Variants in TGM2 observed in about 807,000 individuals in gnomAD.
TGM2 encodes transglutaminase 2.
Under a neutral mutation model 75.6 loss-of-function variants are expected in TGM2, and 53 were observed. The ratio of observed to expected loss-of-function variants is 0.70; its 90% CI spans 0.56 to 0.88. The LOEUF (loss-of-function observed/expected upper bound fraction) is 0.88. Ranked by LOEUF, TGM2 falls within the 40% of genes least tolerant of loss-of-function variation. The pLI is 0.00. For synonymous variants in TGM2, 374 were observed against 381.1 expected, an observed-to-expected ratio of 0.98 and a Z score of 0.22; for missense variants, 842 against 928.5, an observed-to-expected ratio of 0.91 and a Z score of 1.21.
chr20:38,132,267 G>C, intron 11 of TGM2, 73 bp downstream of exon 11: 1 of 1,550,722 alleles, frequency 6.4e-7, no homozygotes, highest in Admixed American at 1.7e-5. Flanking sequence ...TGTGTGGGGT[G>C]GGGGTAGGGA....
chr20:38,165,671 A>AACACACACACAC (rs71833660), upstream of TGM2, among the ~76,000 whole-genome samples: 1 of 143,224 alleles, frequency 7.0e-6, no homozygotes, highest in East Asian at 2.1e-4. Context: ...CCCCACCCCC[A>AACACACACACAC]ACACACACAC....
In TGM2 at chr20:38,146,789, G is replaced by T. The variant is rs746351550; in HGVS notation, c.787C>A (p.Arg263Ser). ...SWIGSVDILR[R>S]WKNHGCQRVK... ...CGCTGGCAGCCGTGGTTCTTCCAGC[G>T]CCGCAGGATGTCCACGCTGCCGATC... Residue 263 changes from arginine (R) to serine (S), a missense_variant, in exon 6 of 13, where the codon CGC becomes AGC. Transcript: ENST00000361475. The T allele has an allele frequency of 6.2e-7, 1 of 1,613,910 alleles. No individual in the cohort carries two copies. Among genetic ancestry groups the T allele is most frequent in the Non-Finnish European group, 8.5e-7 (1 of 1,179,992 alleles).
At position 38,158,313 on chromosome 20, in the gene TGM2, C is replaced by T. The variant is rs563118406; in HGVS notation, c.191-2224G>A. Among the ~76,000 whole-genome samples, 18 of 152,338 alleles carry T rather than the reference C, an allele frequency of 1.2e-4. 1 individual carries two copies. The South Asian group carries it at 3.3e-3, about 28-fold the overall frequency. On this transcript the variant is annotated intron_variant, in intron 2 of 12. Coordinates refer to ENST00000361475, the MANE Select transcript of TGM2 (RefSeq NM_004613.4). ...AGGACAGGCTGTCCCACGGTCCACC[C>T]GCTGCTCACGTAAGCTGACTTCACA...
chr20:38,150,231 A>C (rs1294469969), intron 4 of TGM2, among the ~76,000 whole-genome samples: 2 of 152,198 alleles, frequency 1.3e-5, no homozygotes, highest in African/African-American at 4.8e-5. Flanking sequence ...ACCACGTGAA[A>C]CAGATGAGCC....
chr20:38,146,008 A>C (rs2075040769), intron 6 of TGM2: 1 of 152,352 alleles, frequency 6.6e-6, no homozygotes, highest in African/African-American at 2.4e-5. Flanking sequence ...TCCCGGCCTC[A>C]AGCAATCCTC....
At chr20:38,164,612 ACT>A (rs2075290741) in intron 1 of TGM2, among the ~76,000 whole-genome samples, 1 of 152,144 alleles carries the variant, frequency 6.6e-6, no homozygotes, top group African/African-American at 2.4e-5. Context: ...AAATAAGGAC[ACT>A]GTTGTCCTTA....
In TGM2 at chr20:38,155,986, G is replaced by A. The variant is rs761468251; in HGVS notation, c.294C>T (p.Cys98=). The A allele has an allele frequency of 3.7e-6, 6 of 1,613,502 alleles. No homozygotes were observed. In the Admixed American group the frequency reaches 8.3e-5, roughly 22 times the overall value. Residue 98 remains cysteine, a synonymous_variant, in exon 3 of 13, where the codon TGC becomes TGT. Coordinates refer to ENST00000361475, the MANE Select transcript of TGM2 (RefSeq NM_004613.4). ...WTATVVDQQD[C]TLSLQLTTPA... is the part of the protein sequence containing the mutation. ...GGGTGGTGAGCTGCAGCGAGAGGGTGCAGTCTTGCTGGTCCACCACGGTGG... is the reference window on the plus strand; with the variant it reads ...GGGTGGTGAGCTGCAGCGAGAGGGTACAGTCTTGCTGGTCCACCACGGTGG...
Position 38,139,665 on chromosome 20 carries a change from T to G in TGM2, c.1100-11A>C. The G allele has an allele frequency of 6.2e-7, 1 of 1,613,510 alleles. No homozygotes were observed. Among genetic ancestry groups the G allele is most frequent in the Non-Finnish European group, 8.5e-7 (1 of 1,179,876 alleles). ...CACAGCAGTACGTCCCTGGCAGAGG[T>G]AGAAAGGGGAAGGGATGGGCCTGGG... On this transcript the variant is annotated splice_polypyrimidine_tract_variant and intron_variant, in intron 8 of 12. Transcript: ENST00000361475.
At chr20:38,142,341 A>T in intron 6 of TGM2, 142 bp from the exon 7 acceptor site, 1 of 1,337,594 alleles carries the variant, frequency 7.5e-7, no homozygotes. Context: ...TCCTGCCGGG[A>T]CAATGGCGCC....
intron 6 of TGM2, among the ~76,000 whole-genome samples, chr20:38,145,171 G>A (rs557165709): frequency 1.3e-5 from 2 of 152,296 alleles, no homozygotes; most frequent in South Asian, 4.1e-4. Context: ...GGACAGCCGA[G>A]CTGAGAACCT....
chr20:38,149,814 G>A (rs1410950676), intron 4 of TGM2, among the ~76,000 whole-genome samples: 3 of 151,938 alleles, frequency 2.0e-5, no homozygotes, highest in Admixed American at 6.6e-5. Flanking sequence ...TATGCATCAC[G>A]GTCATACCAC....
intron 3 of TGM2, among the ~76,000 whole-genome samples, chr20:38,154,734 C>CCCCACCCCCAG (rs2075160896): frequency 6.6e-6 from 1 of 151,988 alleles, no homozygotes; most frequent in African/African-American, 2.4e-5. Flanking sequence ...CCTACTCACC[C>CCCCACCCCCAG]CCCTCCCCCA....
In TGM2 at chr20:38,146,837, C is replaced by T; in HGVS notation, c.739G>A (p.Asp247Asn). ...LLGRWDNNYG[D>N]GVSPMSWIGS... The stretch of plus-strand genomic sequence containing the variant: ...ATCCAGGACATGGGGCTGACGCCGT[C>T]CCCGTAGTTGTTGTCCCAGCGTCCC... Residue 247 changes from aspartate to asparagine, a missense_variant, in exon 6 of 13, where the codon GAC becomes AAC. Coordinates refer to ENST00000361475, the MANE Select transcript of TGM2 (RefSeq NM_004613.4). 6.2e-7 allele frequency: 1 copy of T among 1,614,112 alleles called. No homozygotes were observed. Among genetic ancestry groups the T allele is most frequent in the East Asian group, 2.2e-5 (1 of 44,878 alleles).
chr20:38,130,030 G>A lies in TGM2; in HGVS notation c.*189C>T. 1.4e-6 allele frequency: 1 copy of A among 707,482 alleles called. No homozygotes were observed. Among genetic ancestry groups the A allele is most frequent in the South Asian group, 1.8e-5 (1 of 54,618 alleles). 43.8% of individuals were successfully genotyped at this position (707,482 alleles called of 1,614,324 possible). On this transcript the variant is annotated 3_prime_UTR_variant, in exon 13 of 13. Coordinates refer to ENST00000361475, the MANE Select transcript of TGM2 (RefSeq NM_004613.4). Reference sequence around the variant, plus strand: ...CAGAGCATTCCTCACAGCAAAGGGGGTGAGTGGGGACCCACAGGCTCAGGA... The same window carrying A: ...CAGAGCATTCCTCACAGCAAAGGGGATGAGTGGGGACCCACAGGCTCAGGA...
At position 38,136,375 on chromosome 20, in the gene TGM2, G is replaced by A. The variant is rs571126102; in HGVS notation, c.1615+1738C>T. On this transcript the variant is annotated intron_variant, in intron 10 of 12. Transcript: ENST00000361475. ...CCACTGGTTTGACAGGCAGGAGTCC[G>A]GGGAAAACAGACGGGGAAACAAACT... is the stretch of plus-strand genomic sequence containing the variant. 1.7e-4 allele frequency among the ~76,000 whole-genome samples: 26 copies of A among 152,274 alleles called. No homozygotes were observed. The South Asian group carries it at 3.5e-3, about 21-fold the overall frequency.
intron 3 of TGM2, among the ~76,000 whole-genome samples, chr20:38,154,116 G>A (rs2075152539): frequency 6.6e-6 from 1 of 152,092 alleles, no homozygotes; most frequent in South Asian, 2.1e-4. Context: ...ACAGGTGTGG[G>A]ATTACACTGC....
chr20:38,160,645 C>T lies in TGM2; in HGVS notation c.190+775G>A, dbSNP rs79855131. On this transcript the variant is annotated intron_variant, in intron 2 of 12. Transcript: ENST00000361475. ...CCAGCCCCGGAGATTGAGGCAGCCT[C>T]CTAATGCTTGGAGAATGAACTGCTG... Among the ~76,000 whole-genome samples, 269 of 152,264 alleles carry T rather than the reference C, an allele frequency of 1.8e-3. 1 individual carries two copies. Among genetic ancestry groups the T allele is most frequent in the African/African-American group, 6.1e-3 (253 of 41,548 alleles).
chr20:38,150,783 A>C (rs993856499), intron 4 of TGM2, among the ~76,000 whole-genome samples, 156 bp downstream of exon 4: 7 of 152,150 alleles, frequency 4.6e-5, no homozygotes, highest in African/African-American at 7.2e-5. Flanking sequence ...CCCTCTCTGA[A>C]CCTTCAGCTG....
intron 11 of TGM2, 22 bp downstream of exon 11, chr20:38,132,318 C>T (rs768632697): frequency 1.1e-5 from 17 of 1,613,812 alleles, no homozygotes; most frequent in Non-Finnish European, 8.5e-7. Context: ...GGGACCCTGC[C>T]CCTTGCCCAG....
Sources: gnomAD v4.1 joint callset for allele counts (sites outside exome capture counted in the v4.1 genomes callset) on GRCh38, gnomAD v4.1.1 for gene constraint, MANE v1.5 for transcripts, NCBI Gene and HGNC (gene_info 2026-07-23, HGNC 2026-07-21) for gene names.